The following TNFSF4 variants were observed in gnomAD, a reference collection of about 807,000 sequenced individuals.
TNFSF4 encodes TNF superfamily member 4.
A neutral mutation model predicts 7.3 loss-of-function variants in TNFSF4; 4 were observed. The ratio of observed to expected loss-of-function variants is 0.55; its 90% CI spans 0.27 to 1.25. The LOEUF (loss-of-function observed/expected upper bound fraction) is 1.25. Among genes scored for constraint, TNFSF4 ranks in the 50% most tolerant of loss-of-function variants. The probability of loss-of-function intolerance (pLI) is 0.12; values close to 1 mark genes in which losing one functional copy is unlikely to be tolerated. For synonymous variants in TNFSF4, 76 were observed against 83.7 expected, an observed-to-expected ratio of 0.91 and a Z score of 0.50; for missense variants, 181 against 208.8, an observed-to-expected ratio of 0.87 and a Z score of 0.82.
intron 1 of TNFSF4, among the ~76,000 whole-genome samples, chr1:173,201,174 T>C (rs1051386737): frequency 6.6e-6 from 1 of 151,424 alleles, no homozygotes; most frequent in Non-Finnish European, 1.5e-5. Context: ...GAGTACGTAA[T>C]TTTAGATCTC....
At chr1:173,235,769 A>G in the TNFSF4 span, among the ~76,000 whole-genome samples, 1 of 152,234 alleles carries the variant, frequency 6.6e-6, no homozygotes, top group Non-Finnish European at 1.5e-5. Context: ...TGGCAAGAAC[A>G]CAACGTGAGA....
the TNFSF4 span, among the ~76,000 whole-genome samples, chr1:173,237,065 G>A: frequency 6.6e-6 from 1 of 152,156 alleles, no homozygotes; most frequent in Non-Finnish European, 1.5e-5. Flanking sequence ...AGAGTTGATG[G>A]TTTTATAAAC....
At chr1:173,271,240 G>A in the TNFSF4 span, among the ~76,000 whole-genome samples, 18 of 152,254 alleles carry the variant, frequency 1.2e-4, no homozygotes, top group African/African-American at 4.3e-4. Flanking sequence ...GTCCTGAATG[G>A]TATTGCCTAG....
At chr1:173,182,621 GC>G (rs1397165158), downstream of TNFSF4, among the ~76,000 whole-genome samples, 1 of 152,224 alleles carries the variant, frequency 6.6e-6, no homozygotes, top group African/African-American at 2.4e-5. Flanking sequence ...CTAATACGAT[GC>G]CTGGCACAGG....
At chr1:173,351,993 G>A in the TNFSF4 span, 17 of 466,890 alleles carry the variant, frequency 3.6e-5, no homozygotes, top group Non-Finnish European at 6.2e-5. Flanking sequence ...AGAAAAAATT[G>A]AGGAGATGCA....
chr1:173,341,579 C>T, the TNFSF4 span, among the ~76,000 whole-genome samples: 1 of 152,178 alleles, frequency 6.6e-6, no homozygotes, highest in South Asian at 2.1e-4. Flanking sequence ...TGGCCACTTA[C>T]TAGCTTGTGC....
chr1:173,398,262 A>G, the TNFSF4 span, among the ~76,000 whole-genome samples: 1 of 152,158 alleles, frequency 6.6e-6, no homozygotes, highest in Admixed American at 6.6e-5. Context: ...CTTTCACAAG[A>G]TATCATACTG....
the TNFSF4 span, among the ~76,000 whole-genome samples, chr1:173,402,081 C>T: frequency 3.3e-5 from 5 of 152,136 alleles, no homozygotes; most frequent in Non-Finnish European, 7.4e-5. Flanking sequence ...GCCTCAAATC[C>T]TAAGCTTCTT....
the TNFSF4 span, among the ~76,000 whole-genome samples, chr1:173,319,580 G>A: frequency 6.6e-6 from 1 of 152,190 alleles, no homozygotes; most frequent in African/African-American, 2.4e-5. Flanking sequence ...ACCCAACAGG[G>A]GTTGACAGAC....
the TNFSF4 span, among the ~76,000 whole-genome samples, chr1:173,250,205 ATTTG>A: frequency 2.0e-5 from 3 of 151,388 alleles, no homozygotes; most frequent in Non-Finnish European, 4.4e-5. Flanking sequence ...GTTTATTTTT[ATTTG>A]TTCTATGAAA....
downstream of TNFSF4, chr1:173,183,660 C>G (rs144091449): frequency 6.6e-6 from 1 of 152,122 alleles, no homozygotes; most frequent in South Asian, 2.1e-4. Context: ...CCGTCCTCCC[C>G]TCTTCAGAGG....
intron 1 of TNFSF4, among the ~76,000 whole-genome samples, chr1:173,194,678 T>C (rs955812031): frequency 1.3e-5 from 2 of 150,986 alleles, no homozygotes; most frequent in African/African-American, 4.9e-5. Flanking sequence ...CACTCAGGAG[T>C]CCAGGACCAG....
the TNFSF4 span, among the ~76,000 whole-genome samples, chr1:173,418,883 C>T: frequency 7.7e-4 from 118 of 152,296 alleles, no homozygotes; most frequent in Non-Finnish European, 1.1e-3. Flanking sequence ...TTAAGCATTG[C>T]TATGGTTTGA....
chr1:173,186,704 C>T lies in TNFSF4; in HGVS notation c.364G>A (p.Asp122Asn). 6.2e-7 allele frequency: 1 copy of T among 1,614,138 alleles called. No individual in the cohort carries two copies. The highest frequency in any genetic ancestry group is 8.5e-7 in the Non-Finnish European group (1 of 1,180,020). Residue 122 changes from aspartate to asparagine, a missense_variant, in exon 3 of 3, where the codon GAT becomes AAT. Coordinates refer to ENST00000281834, the MANE Select transcript of TNFSF4 (RefSeq NM_003326.5). ...TTCAGTTGGAAGAGGGGCTCCTCAT[C>T]CTTCTGGTAATGAAGGCTAATGTTG... Reference protein sequence around the residue: ...EVNISLHYQKDEEPLFQLKKV... With the variant: ...EVNISLHYQKNEEPLFQLKKV...
chr1:173,177,588 AAATT>A, the TNFSF4 span, among the ~76,000 whole-genome samples: 2 of 152,216 alleles, frequency 1.3e-5, no homozygotes, highest in African/African-American at 4.8e-5. Flanking sequence ...AACCTAAAAT[AAATT>A]TTTTTTAAAA....
the TNFSF4 span, among the ~76,000 whole-genome samples, chr1:173,300,809 T>C: frequency 6.6e-6 from 1 of 151,862 alleles, no homozygotes; most frequent in African/African-American, 2.4e-5. Context: ...AAAAGCAAAG[T>C]GTATTGGAGG....
the TNFSF4 span, among the ~76,000 whole-genome samples, chr1:173,448,115 CA>C: frequency 1.2e-4 from 18 of 152,030 alleles, no homozygotes; most frequent in Non-Finnish European, 2.1e-4. Context: ...AGAGAAGTTC[CA>C]AAAACTTAAA....
At chr1:173,182,302 T>G (rs1367719991), downstream of TNFSF4, among the ~76,000 whole-genome samples, 1 of 152,174 alleles carries the variant, frequency 6.6e-6, no homozygotes, top group Non-Finnish European at 1.5e-5. Context: ...GTTTATGCAT[T>G]TACCCAACAT....
chr1:173,360,152 G>A, the TNFSF4 span, among the ~76,000 whole-genome samples: 1 of 152,202 alleles, frequency 6.6e-6, no homozygotes, highest in African/African-American at 2.4e-5. Context: ...TCTACCCTTG[G>A]AGAGAGAACT....
Sources: allele counts gnomAD v4.1 joint callset (sites outside exome capture counted in the v4.1 genomes callset), GRCh38; gene constraint gnomAD v4.1.1; transcripts MANE v1.5; gene names NCBI Gene and HGNC (gene_info 2026-07-23, HGNC 2026-07-21).